The following OR7C1 variants were observed in gnomAD, a reference collection of about 807,000 sequenced individuals.
OR7C1 encodes the protein olfactory receptor family 7 subfamily C member 1.
For missense variants in OR7C1, 324 were observed against 383.3 expected, an observed-to-expected ratio of 0.85 and a Z score of 1.29; for synonymous variants, 152 against 160.7, an observed-to-expected ratio of 0.95 and a Z score of 0.41.
At chr19:14,827,445 C>T (rs374465506) in intron 1 of OR7C1, 29 of 1,613,886 alleles carry the variant, frequency 1.8e-5, no homozygotes, top group African/African-American at 1.1e-4. Context: ...GTGTGAGTTG[C>T]GGGTGGCAGC....
chr19:14,800,057 A>C, exon 5 of OR7C1: 1 of 1,612,436 alleles, frequency 6.2e-7, no homozygotes, highest in Non-Finnish European at 8.5e-7. Context: ...CAGCCCAAAG[A>C]GAATGAACTG....
At chr19:14,815,646 T>A (rs1303866012) in intron 1 of OR7C1, among the ~76,000 whole-genome samples, 2 of 152,216 alleles carry the variant, frequency 1.3e-5, no homozygotes, top group African/African-American at 4.8e-5. Context: ...CATAGCCACA[T>A]AAACATGTTT....
rs33957500 is a variant in OR7C1, at chr19:14,805,406, ATT to A, written c.-435+4398_-435+4399del. ...GCAGGACCCAAGAAACAGGAAAATA[ATT>A]TTTTTTTTTTTTTTTTTTTTTTTTT... On this transcript the variant is annotated intron_variant, in intron 2 of 4. Transcript: ENST00000641666. Among the ~76,000 whole-genome samples the A allele has an allele frequency of 9.6e-3, 942 of 98,062 alleles. 9 individuals carry two copies. The highest frequency in any genetic ancestry group is 0.028 in the African/African-American group (689 of 24,408). 64.3% of individuals were successfully genotyped at this position (98,062 alleles called of 152,430 possible).
intron 1 of OR7C1, among the ~76,000 whole-genome samples, chr19:14,821,998 C>T (rs2044743033): frequency 6.6e-6 from 1 of 152,144 alleles, no homozygotes; most frequent in African/African-American, 2.4e-5. Flanking sequence ...ATGTAATGTC[C>T]TCCAGGTTCA....
At chr19:14,809,579 G>A (rs148423799) in intron 2 of OR7C1, among the ~76,000 whole-genome samples, 7,092 of 151,842 alleles carry the variant, frequency 0.047, 236 homozygotes, top group Non-Finnish European at 0.068. Flanking sequence ...AAGAAACAGA[G>A]ATTGAAAGCA....
At chr19:14,813,162 G>T (rs192418403) in intron 1 of OR7C1, among the ~76,000 whole-genome samples, 3 of 150,630 alleles carry the variant, frequency 2.0e-5, no homozygotes, top group Admixed American at 2.0e-4. Context: ...TATGAACACA[G>T]ATGCAGAAAT....
At chr19:14,816,507 G>A (rs888195262) in intron 1 of OR7C1, among the ~76,000 whole-genome samples, 6 of 152,224 alleles carry the variant, frequency 3.9e-5, no homozygotes, top group Non-Finnish European at 5.9e-5. Flanking sequence ...TCCTGCCCTC[G>A]AACATCAGAC....
rs573523529 is a variant in OR7C1 at position 14,821,940 on chromosome 19, A to G, written c.-622-11947T>C. Among the ~76,000 whole-genome samples, 18 of 152,310 alleles carry G rather than the reference A, an allele frequency of 1.2e-4. No individual in the cohort carries two copies. In the South Asian group the frequency reaches 3.1e-3, roughly 26 times the overall value. ...GTTCATTATCATTTTAAGATTCCCC[A>G]TGTACGAGTGTGCAGAATTTGTTTC... On this transcript the variant is annotated intron_variant, in intron 1 of 4. Transcript: ENST00000641666.
At chr19:14,807,061 T>C (rs1385021218) in intron 2 of OR7C1, among the ~76,000 whole-genome samples, 1 of 152,002 alleles carries the variant, frequency 6.6e-6, no homozygotes, top group Non-Finnish European at 1.5e-5. Flanking sequence ...TTCTTAACTT[T>C]TTAATAATTG....
intron 1 of OR7C1, among the ~76,000 whole-genome samples, chr19:14,829,677 A>T (rs1274232328): frequency 6.6e-6 from 1 of 152,236 alleles, no homozygotes; most frequent in Non-Finnish European, 1.5e-5. Flanking sequence ...TTGCACCTGC[A>T]CTTTATTAAC....
intron 1 of OR7C1, among the ~76,000 whole-genome samples, chr19:14,820,701 T>A (rs80025406): frequency 0.026 from 3,963 of 152,208 alleles, 187 homozygotes; most frequent in African/African-American, 0.09. Flanking sequence ...AACAATGGAA[T>A]AAATGTGTGT....
At chr19:14,799,764 C>T (rs761946858) in exon 5 of OR7C1, 9 of 1,613,790 alleles carry the variant, frequency 5.6e-6, no homozygotes, top group Non-Finnish European at 7.6e-6. Flanking sequence ...TGACAGACGG[C>T]CACGAAGCGG....
intron 1 of OR7C1, among the ~76,000 whole-genome samples, chr19:14,820,958 T>C (rs2044738260): frequency 6.6e-6 from 1 of 152,026 alleles, no homozygotes; most frequent in African/African-American, 2.4e-5. Context: ...CTGGACCATA[T>C]AAAAACATGT....
chr19:14,833,890 G>A (rs2044858609), intron 1 of OR7C1, among the ~76,000 whole-genome samples: 1 of 152,154 alleles, frequency 6.6e-6, no homozygotes, highest in East Asian at 1.9e-4. Flanking sequence ...GATGGCAAAC[G>A]GGTACTCTAA....
At position 14,829,569 on chromosome 19, in the gene OR7C1, C is replaced by T. The variant is rs143051558; in HGVS notation, c.-623+5505G>A. On this transcript the variant is annotated intron_variant, in intron 1 of 4. Transcript: ENST00000641666. The stretch of plus-strand genomic sequence containing the variant: ...CAGTGTGGCCAGGGAATCAGTAAGA[C>T]GGAGAGTGATGGGACATGGTGTCAG... 4.2e-3 allele frequency among the ~76,000 whole-genome samples: 636 copies of T among 152,234 alleles called. 5 individuals are homozygous for T. The highest frequency in any genetic ancestry group is 7.3e-3 in the Non-Finnish European group (495 of 68,010).
At chr19:14,831,426 C>T (rs1456349728) in intron 1 of OR7C1, among the ~76,000 whole-genome samples, 1 of 151,730 alleles carries the variant, frequency 6.6e-6, no homozygotes, top group Non-Finnish European at 1.5e-5. Flanking sequence ...TCCTGTGTGG[C>T]CTTTATTTTA....
At chr19:14,806,669 A>T (rs562375099) in intron 2 of OR7C1, among the ~76,000 whole-genome samples, 2 of 152,054 alleles carry the variant, frequency 1.3e-5, no homozygotes, top group African/African-American at 2.4e-5. Flanking sequence ...TTTGCTGAGG[A>T]TGATGGCTTC....
intron 2 of OR7C1, 137 bp downstream of exon 2, chr19:14,809,669 T>C (rs2044682104): frequency 6.6e-6 from 1 of 152,612 alleles, no homozygotes; most frequent in South Asian, 2.1e-4. Context: ...AAGAATCCCC[T>C]TCAGAGCGAG....
intron 1 of OR7C1, among the ~76,000 whole-genome samples, chr19:14,834,161 C>T (rs2044861624): frequency 6.6e-6 from 1 of 152,244 alleles, no homozygotes; most frequent in South Asian, 2.1e-4. Context: ...ACTTGGGAGA[C>T]TGAGGTGGGA....
Sources: allele counts gnomAD v4.1 joint callset (sites outside exome capture counted in the v4.1 genomes callset), GRCh38; gene constraint gnomAD v4.1.1; transcripts MANE v1.5; gene names NCBI Gene and HGNC (gene_info 2026-07-23, HGNC 2026-07-21).